Variants in PIGK observed in about 807,000 individuals in gnomAD.
PIGK encodes phosphatidylinositol glycan anchor biosynthesis class K, also known as GPI-anchor transamidase.
PIGK carries 42 observed loss-of-function variants against 50.6 expected under a neutral mutation model. The observed-to-expected ratio is 0.83, with a 90% CI of 0.65 to 1.07. PIGK has a LOEUF of 1.07. PIGK is among the 50% of genes least tolerant of loss of function. The probability of loss-of-function intolerance (pLI) is 0.00; values close to 1 mark genes in which losing one functional copy is unlikely to be tolerated. For missense variants in PIGK, 448 were observed against 488.7 expected (o/e 0.92, Z 0.78); for synonymous variants, 151 against 156.0 (o/e 0.97, Z 0.24).
intron 9 of PIGK, among the ~76,000 whole-genome samples, chr1:77,132,167 T>C (rs1654387310): frequency 6.6e-6 from 1 of 151,998 alleles, no homozygotes; most frequent in Admixed American, 6.5e-5. Context: ...CTCATGTAAA[T>C]AGCACATTTT....
Position 77,092,153 on chromosome 1 carries a change from A to G in PIGK, c.*221T>C. 3.3e-6 allele frequency: 1 copy of G among 301,522 alleles called. No homozygotes were observed. The highest frequency in any genetic ancestry group is 6.0e-6 in the Non-Finnish European group (1 of 166,484). The allele number at this position is 301,522 out of a possible 1,614,324, so 18.7% of individuals were successfully genotyped here. A position where few individuals can be genotyped will look rare whatever the true frequency, so the allele number is the denominator to read the frequency against. ...TCTGATCTCTGTCTCATTCGCTTTT[A>G]TAATACACAAAATACAAAACTGGAA... On this transcript the variant is annotated 3_prime_UTR_variant, in exon 11 of 11. Coordinates refer to ENST00000370812, the MANE Select transcript of PIGK (RefSeq NM_005482.3).
At position 77,166,808 on chromosome 1, in the gene PIGK, CG is replaced by C. The variant is rs754637611; in HGVS notation, c.397del (p.Arg133GlyfsTer3). ...SYEVTVENFL[R>X]VLTGRIPPST... ...AGGTGGGATCCTCCCAGTTAATACC[CG>C]TAAAAAATTCTCCACAGTTACCTAA... On this transcript the variant is annotated frameshift_variant, in exon 5 of 11. Coordinates refer to ENST00000370812, the MANE Select transcript of PIGK (RefSeq NM_005482.3). LOFTEE classifies it high-confidence loss of function. 18 of 1,585,704 alleles carry C rather than the reference CG, an allele frequency of 1.1e-5. No homozygotes were observed. The highest frequency in any genetic ancestry group is 1.5e-5 in the Non-Finnish European group (18 of 1,161,452).
intron 3 of PIGK, among the ~76,000 whole-genome samples, chr1:77,174,135 T>A (rs781002267): frequency 1.3e-5 from 2 of 152,234 alleles, no homozygotes; most frequent in Non-Finnish European, 2.9e-5. Flanking sequence ...TGGTTTGATA[T>A]CTGTATGAAA....
intron 3 of PIGK, among the ~76,000 whole-genome samples, chr1:77,192,816 C>T (rs1271914144): frequency 6.6e-6 from 1 of 152,098 alleles, no homozygotes; most frequent in Non-Finnish European, 1.5e-5. Flanking sequence ...GACTAAAATA[C>T]ATTAGTCCTA....
intron 3 of PIGK, among the ~76,000 whole-genome samples, chr1:77,184,478 C>G (rs1557817329): frequency 6.6e-6 from 1 of 152,140 alleles, no homozygotes; most frequent in Non-Finnish European, 1.5e-5. Context: ...CACAAGAAAA[C>G]CTCCAGCCCT....
At chr1:77,138,579 T>C (rs1654575033) in intron 9 of PIGK, among the ~76,000 whole-genome samples, 1 of 152,232 alleles carries the variant, frequency 6.6e-6, no homozygotes, top group Non-Finnish European at 1.5e-5. Context: ...CCAGCCAACC[T>C]GTACGCACAC....
rs1653321513 is a variant in PIGK, at chr1:77,092,424, T to G, written c.1138A>C (p.Met380Leu). ...FILGLWALIIMVFFKTYGIKH... is the reference protein window; with the variant it reads ...FILGLWALIILVFFKTYGIKH... ...ATTCCATAAGTTTTGAAGAAAACCA[T>G]GATAATAAGTGCCCATAATCCCAGA... Residue 380 changes from methionine (M) to leucine (L), a missense_variant, in exon 11 of 11, where the codon ATG becomes CTG. Coordinates refer to ENST00000370812, the MANE Select transcript of PIGK (RefSeq NM_005482.3). The G allele has an allele frequency of 5.6e-6, 9 of 1,606,800 alleles. No homozygotes were observed. The highest frequency in any genetic ancestry group is 7.7e-6 in the Non-Finnish European group (9 of 1,176,322).
At chr1:77,123,083 C>T (rs1251032458) in intron 9 of PIGK, among the ~76,000 whole-genome samples, 1 of 151,944 alleles carries the variant, frequency 6.6e-6, no homozygotes, top group African/African-American at 2.4e-5. Context: ...TCTACATGTA[C>T]AATGAGATAC....
At chr1:77,196,074 G>A (rs1264871663) in intron 3 of PIGK, among the ~76,000 whole-genome samples, 1 of 152,148 alleles carries the variant, frequency 6.6e-6, no homozygotes, top group East Asian at 1.9e-4. Flanking sequence ...GTAAGAACAT[G>A]TAGTATCTGG....
At position 77,190,302 on chromosome 1, in the gene PIGK, G is replaced by A. The variant is rs148621254; in HGVS notation, c.239+16338C>T. Among the ~76,000 whole-genome samples, 795 of 152,220 alleles carry A rather than the reference G, an allele frequency of 5.2e-3. 2 individuals carry two copies. Among genetic ancestry groups the A allele is most frequent in the South Asian group, 0.014 (68 of 4,814 alleles). ...TGTAGTCCTAGCTACTCAGGAGGCC[G>A]AGGCGGGAGGACTGCCTAAACCCAG... is the stretch of plus-strand genomic sequence containing the variant. On this transcript the variant is annotated intron_variant, in intron 3 of 10. Coordinates refer to ENST00000370812, the MANE Select transcript of PIGK (RefSeq NM_005482.3).
chr1:77,111,870 T>C (rs947281708), intron 10 of PIGK, among the ~76,000 whole-genome samples: 17 of 152,098 alleles, frequency 1.1e-4, no homozygotes, highest in South Asian at 6.2e-4. Context: ...AAATCAAAAC[T>C]AGGTAACATG....
intron 3 of PIGK, among the ~76,000 whole-genome samples, chr1:77,198,960 G>T (rs752514074): frequency 9.9e-5 from 15 of 152,076 alleles, no homozygotes; most frequent in Non-Finnish European, 1.6e-4. Context: ...GAAGTTAACA[G>T]ATATAAAGAT....
intron 3 of PIGK, among the ~76,000 whole-genome samples, chr1:77,185,383 T>C (rs1655716975): frequency 1.3e-5 from 2 of 152,208 alleles, no homozygotes; most frequent in Non-Finnish European, 2.9e-5. Context: ...ACTAGACTTA[T>C]TGGTGAGACA....
chr1:77,163,993 A>G (rs1444086542), intron 5 of PIGK, 51 bp from the exon 6 acceptor site: 1 of 898,576 alleles, frequency 1.1e-6, no homozygotes, highest in Non-Finnish European at 1.8e-6. Flanking sequence ...CAAACTGCAT[A>G]TATCTAGATA....
At chr1:77,162,881 G>A (rs1201919224) in intron 6 of PIGK, among the ~76,000 whole-genome samples, 1 of 152,150 alleles carries the variant, frequency 6.6e-6, no homozygotes, top group Non-Finnish European at 1.5e-5. Flanking sequence ...GCAAGCTCTA[G>A]GACTGAACCA....
chr1:77,116,476 T>C (rs536724175), intron 10 of PIGK, among the ~76,000 whole-genome samples: 15 of 151,968 alleles, frequency 9.9e-5, no homozygotes, highest in Non-Finnish European at 2.1e-4. Context: ...TGAGCCACCG[T>C]GCCTGGCCGA....
chr1:77,173,573 C>CT (rs1655413758), intron 3 of PIGK, among the ~76,000 whole-genome samples: 1 of 152,172 alleles, frequency 6.6e-6, no homozygotes, highest in South Asian at 2.1e-4. Context: ...TCTGGCCTCT[C>CT]TCTGTGCAAA....
intron 3 of PIGK, among the ~76,000 whole-genome samples, chr1:77,187,979 T>C (rs1365965338): frequency 6.6e-6 from 1 of 152,216 alleles, no homozygotes; most frequent in Non-Finnish European, 1.5e-5. Flanking sequence ...ATCAATACCC[T>C]TGTGATTTCC....
At chr1:77,211,017 A>G (rs936318903) in intron 1 of PIGK, among the ~76,000 whole-genome samples, 2 of 152,046 alleles carry the variant, frequency 1.3e-5, no homozygotes, top group Non-Finnish European at 2.9e-5. Flanking sequence ...TGCTTGTTCA[A>G]CATTTAACAA....
Sources: gnomAD v4.1 joint callset for allele counts (sites outside exome capture counted in the v4.1 genomes callset) on GRCh38, gnomAD v4.1.1 for gene constraint, MANE v1.5 for transcripts, NCBI Gene and HGNC (gene_info 2026-07-23, HGNC 2026-07-21) for gene names.